Variants in CERK observed in about 807,000 individuals in gnomAD.
The protein encoded by CERK is acylsphingosine kinase.
In CERK, 39 loss-of-function variants were observed where a neutral mutation model predicts 63.4. The ratio of observed to expected loss-of-function variants is 0.61; its 90% CI spans 0.48 to 0.80. The LOEUF (loss-of-function observed/expected upper bound fraction) is 0.80, where lower values mean the gene tolerates loss of function less well. CERK is among the 30% of genes least tolerant of loss of function. The pLI is 0.00. For synonymous variants in CERK, 302 were observed against 280.0 expected (o/e 1.08, Z -0.78); for missense variants, 670 against 714.1 (o/e 0.94, Z 0.70).
In CERK at chr22:46,693,454, T is replaced by A. The variant is rs1051157298; in HGVS notation, c.1099A>T (p.Lys367Ter). The A allele has an allele frequency of 6.2e-7, 1 of 1,614,182 alleles. No homozygotes were observed. Among genetic ancestry groups the A allele is most frequent in the African/African-American group, 1.3e-5 (1 of 75,050 alleles). ...GCAGCTTCCAAACCATACAGTGCTT[T>A]CTTCTGCTCCTCCTCCAGCTGCTGC... ...SKQQLEEEQK[K>*]ALYGLEAAED... is the part of the protein sequence containing the mutation. The change falls in exon 10 of 13, where the codon AAA (lysine) becomes TAA (stop). Residue 367 changes from lysine to a stop codon, truncating the protein, a stop_gained. Coordinates refer to ENST00000216264, the MANE Select transcript of CERK (RefSeq NM_022766.6). LOFTEE classifies it high-confidence loss of function.
chr22:46,712,422 T>A, intron 3 of CERK, 129 bp from the exon 4 acceptor site: 1 of 793,770 alleles, frequency 1.3e-6, no homozygotes, highest in Non-Finnish European at 2.0e-6. Flanking sequence ...AAAGTATTTT[T>A]AAATCTTAAA....
chr22:46,731,684 G>A (rs776400732), intron 1 of CERK, among the ~76,000 whole-genome samples: 1 of 152,250 alleles, frequency 6.6e-6, no homozygotes, highest in Non-Finnish European at 1.5e-5. Context: ...CACAGGGCAT[G>A]CGGGAGATAA....
intron 1 of CERK, among the ~76,000 whole-genome samples, chr22:46,732,936 CGGTGGCT>C (rs1476766355): frequency 6.6e-6 from 1 of 151,952 alleles, no homozygotes; most frequent in Non-Finnish European, 1.5e-5. Flanking sequence ...TGGCCAGGCG[CGGTGGCT>C]CACGCCTGTA....
Position 46,711,819 on chromosome 22 carries a change from G to C in CERK, c.505+349C>G, listed in dbSNP as rs937990866. On this transcript the variant is annotated intron_variant, in intron 4 of 12. Transcript: ENST00000216264. ...TAAAAATCTTGGGCTGGGCACAGTGGCTCATGCCTATAATCCCAGCACTTT... is the reference window on the plus strand; with the variant it reads ...TAAAAATCTTGGGCTGGGCACAGTGCCTCATGCCTATAATCCCAGCACTTT... Among the ~76,000 whole-genome samples, 15 of 152,350 alleles carry C rather than the reference G, an allele frequency of 9.8e-5. No homozygotes were observed. In the East Asian group the frequency reaches 2.3e-3, roughly 23 times the overall value.
chr22:46,695,917 C>T (rs1453821524), intron 8 of CERK, among the ~76,000 whole-genome samples: 2 of 152,208 alleles, frequency 1.3e-5, no homozygotes, highest in Non-Finnish European at 2.9e-5. Flanking sequence ...GGGCAGGAGG[C>T]AGGAGAGGGG....
rs1022250464 is a variant in CERK, at chr22:46,685,976, A to G, written c.*1158T>C. The G allele has an allele frequency of 2.0e-5, 3 of 152,192 alleles. No individual in the cohort carries two copies. Among genetic ancestry groups the G allele is most frequent in the Admixed American group, 1.3e-4 (2 of 15,276 alleles). The allele number at this position is 152,192 out of a possible 1,614,324, so 9.4% of individuals were successfully genotyped here. A position where few individuals can be genotyped will look rare whatever the true frequency, so the allele number is the denominator to read the frequency against. ...CAAAACTACGTTACAGACATCATCTACGTGGGCACGGATACACACTAAACA... is the reference window on the plus strand; with the variant it reads ...CAAAACTACGTTACAGACATCATCTGCGTGGGCACGGATACACACTAAACA... On this transcript the variant is annotated 3_prime_UTR_variant, in exon 13 of 13. Coordinates refer to ENST00000216264, the MANE Select transcript of CERK (RefSeq NM_022766.6).
At chr22:46,702,221 ATATGTGTGTGTGTGTG>A (rs1317785038) in intron 6 of CERK, among the ~76,000 whole-genome samples, 4,767 of 113,370 alleles carry the variant, frequency 0.042, 271 homozygotes, top group Admixed American at 0.16. Flanking sequence ...AAAAATATAT[ATATGTGTGTGTGTGTG>A]TGTGTGTGTG....
In CERK at chr22:46,687,023, T is replaced by C; in HGVS notation, c.*111A>G. The C allele has an allele frequency of 1.1e-6, 1 of 885,042 alleles. No individual in the cohort carries two copies. Among genetic ancestry groups the C allele is most frequent in the South Asian group, 1.7e-5 (1 of 59,326 alleles). The allele number at this position is 885,042 out of a possible 1,614,324, so 54.8% of individuals were successfully genotyped here. A position where few individuals can be genotyped will look rare whatever the true frequency, so the allele number is the denominator to read the frequency against. On this transcript the variant is annotated 3_prime_UTR_variant, in exon 13 of 13. Coordinates refer to ENST00000216264, the MANE Select transcript of CERK (RefSeq NM_022766.6). ...TTTTCTTCTAAAATCAAGATTTAACTATCAAAAATAAATTTCTACATTTAA... is the reference window on the plus strand; with the variant it reads ...TTTTCTTCTAAAATCAAGATTTAACCATCAAAAATAAATTTCTACATTTAA...
intron 1 of CERK, among the ~76,000 whole-genome samples, chr22:46,731,749 G>A (rs2082946356): frequency 1.3e-5 from 2 of 152,200 alleles, no homozygotes; most frequent in South Asian, 4.1e-4. Context: ...GGCAGGGCCA[G>A]ATCGGGGGAG....
chr22:46,720,337 T>C, intron 2 of CERK, 129 bp from the exon 3 acceptor site: 1 of 1,017,586 alleles, frequency 9.8e-7, no homozygotes, highest in Non-Finnish European at 1.4e-6. Context: ...TCTCCTCCCT[T>C]CTAATTAGTA....
Position 46,699,438 on chromosome 22 carries a change from G to A in CERK, c.818C>T (p.Ser273Leu). The change falls in exon 8 of 13, where the codon TCA becomes TTA. Residue 273 changes from serine (S) to leucine (L), a missense_variant. Ser to Leu is a moderately radical substitution (Grantham distance 145). Coordinates refer to ENST00000216264, the MANE Select transcript of CERK (RefSeq NM_022766.6). ...VGDSLAMDVS[S>L]VHHNSTLLRY... is the part of the protein sequence containing the mutation. ...AAGGAGTGTGCTGTTGTGGTGGACT[G>A]AGGACACATCCATGGCCAGCGAGTC... 1.2e-6 allele frequency: 2 copies of A among 1,614,192 alleles called. No individual in the cohort carries two copies. The highest frequency in any genetic ancestry group is 1.6e-4 in the Middle Eastern group (1 of 6,062).
chr22:46,712,583 C>G (rs940877489), intron 3 of CERK, among the ~76,000 whole-genome samples: 1 of 152,210 alleles, frequency 6.6e-6, no homozygotes, highest in African/African-American at 2.4e-5. Context: ...CTGAAGGGTG[C>G]TGTCGGGTAC....
chr22:46,725,243 A>G (rs1191803717), intron 1 of CERK, among the ~76,000 whole-genome samples: 1 of 149,116 alleles, frequency 6.7e-6, no homozygotes, highest in African/African-American at 2.6e-5. Context: ...TAATTAGGAG[A>G]TAAAGAACCG....
At position 46,709,356 on chromosome 22, in the gene CERK, T is replaced by C. The variant is rs970242870; in HGVS notation, c.570-1368A>G. On this transcript the variant is annotated intron_variant, in intron 5 of 12. Coordinates refer to ENST00000216264, the MANE Select transcript of CERK (RefSeq NM_022766.6). ...ATCCCTGCTGAAAAGTGAAGACGAC[T>C]GTCTTCCTGCCAAGCTGCTGTCGGG... is the stretch of plus-strand genomic sequence containing the variant. Among the ~76,000 whole-genome samples the C allele has an allele frequency of 3.3e-5, 5 of 152,204 alleles. No homozygotes were observed. In the South Asian group the frequency reaches 1.0e-3, roughly 32 times the overall value.
intron 1 of CERK, among the ~76,000 whole-genome samples, chr22:46,736,726 C>G (rs888029823): frequency 3.1e-4 from 47 of 152,150 alleles, no homozygotes; most frequent in African/African-American, 1.1e-3. Flanking sequence ...GGCTGGAAAC[C>G]AAGTGTTGGT....
At chr22:46,726,861 G>A (rs537023306) in intron 1 of CERK, among the ~76,000 whole-genome samples, 1 of 151,424 alleles carries the variant, frequency 6.6e-6, no homozygotes, top group Non-Finnish European at 1.5e-5. Context: ...CCCACGTGAC[G>A]CCCACAGGTC....
In CERK at chr22:46,684,874, C is replaced by A. The variant is rs765057317; in HGVS notation, c.*2260G>T. The A allele has an allele frequency of 6.6e-6, 1 of 152,062 alleles. No homozygotes were observed. Among genetic ancestry groups the A allele is most frequent in the South Asian group, 2.1e-4 (1 of 4,832 alleles). 9.4% of individuals were successfully genotyped at this position (152,062 alleles called of 1,614,324 possible). On this transcript the variant is annotated 3_prime_UTR_variant, in exon 13 of 13. Transcript: ENST00000216264. ...CTGGCAGGTGTCAGACACACGGTAC[C>A]GCAACAGCAGTCCCGAGGTCTGAGA...
intron 8 of CERK, among the ~76,000 whole-genome samples, chr22:46,698,698 C>T (rs920168118): frequency 5.3e-5 from 8 of 151,444 alleles, no homozygotes; most frequent in Admixed American, 5.3e-4. Context: ...TGAGACCAGC[C>T]TGGGCAACAG....
At chr22:46,695,117 C>A in intron 9 of CERK, 93 bp downstream of exon 9, 1 of 727,110 alleles carries the variant, frequency 1.4e-6, no homozygotes, top group Non-Finnish European at 2.4e-6. Flanking sequence ...CACCTTCCAC[C>A]ACATTTGGAA....
Sources: allele counts gnomAD v4.1 joint callset (sites outside exome capture counted in the v4.1 genomes callset), GRCh38; gene constraint gnomAD v4.1.1; transcripts MANE v1.5; gene names NCBI Gene and HGNC (gene_info 2026-07-23, HGNC 2026-07-21).